PDE4D: variants seen among roughly 807,000 people sequenced by gnomAD.
PDE4D encodes the protein 3',5'-cyclic-AMP phosphodiesterase 4D.
Under a neutral mutation model 87.4 loss-of-function variants are expected in PDE4D, and 24 were observed. The observed-to-expected ratio is 0.27, with a 90% CI of 0.20 to 0.39. The LOEUF (loss-of-function observed/expected upper bound fraction) is 0.39. PDE4D is among the 10% of genes least tolerant of loss of function. The pLI, the probability that PDE4D is intolerant of heterozygous loss-of-function variation, is 1.00. For missense variants in PDE4D, 714 were observed against 1,041.0 expected (o/e 0.69, Z 4.32); for synonymous variants, 384 against 383.2 (o/e 1.00, Z -0.02).
chr5:60,196,533 C>A (rs1741236088), intron 1 of PDE4D, among the ~76,000 whole-genome samples: 1 of 151,600 alleles, frequency 6.6e-6, no homozygotes, highest in African/African-American at 2.4e-5. Context: ...TGGGAGGTGT[C>A]TAGAGCAGTT....
chr5:59,541,904 G>A (rs767142894), intron 1 of PDE4D, among the ~76,000 whole-genome samples: 1 of 152,072 alleles, frequency 6.6e-6, no homozygotes, highest in Non-Finnish European at 1.5e-5. Context: ...GCTGGCTTCT[G>A]CATGATCTAC....
At chr5:59,394,914 C>T (rs966079079) in intron 1 of PDE4D, among the ~76,000 whole-genome samples, 2 of 152,104 alleles carry the variant, frequency 1.3e-5, no homozygotes, top group Admixed American at 6.5e-5. Context: ...CATTGCCTCA[C>T]TCGGGAAGTG....
At chr5:60,186,107 G>A (rs2149511630) in intron 1 of PDE4D, among the ~76,000 whole-genome samples, 1 of 152,280 alleles carries the variant, frequency 6.6e-6, no homozygotes, top group East Asian at 1.9e-4. Flanking sequence ...TTACTTACAT[G>A]TGAAGAAAAG....
At chr5:59,852,824 TA>T (rs571138500) in intron 1 of PDE4D, among the ~76,000 whole-genome samples, 51 of 141,846 alleles carry the variant, frequency 3.6e-4, no homozygotes, top group Middle Eastern at 7.1e-3. Context: ...GAGACAGGAA[TA>T]AAAAAAAAAA....
intron 1 of PDE4D, among the ~76,000 whole-genome samples, chr5:60,347,186 G>A (rs762203668): frequency 5.9e-5 from 9 of 152,048 alleles, no homozygotes; most frequent in Non-Finnish European, 1.3e-4. Flanking sequence ...ACTGAATGAT[G>A]CATAAGAGCC....
intron 1 of PDE4D, among the ~76,000 whole-genome samples, chr5:59,581,869 T>C (rs1444744227): frequency 6.6e-6 from 1 of 152,160 alleles, no homozygotes; most frequent in African/African-American, 2.4e-5. Context: ...AGGATCGATA[T>C]CTCATATAAT....
intron 1 of PDE4D, among the ~76,000 whole-genome samples, chr5:59,857,598 T>G (rs1488524560): frequency 6.6e-6 from 1 of 152,124 alleles, no homozygotes; most frequent in Non-Finnish European, 1.5e-5. Flanking sequence ...GATTTTTTTG[T>G]GTGAACTATC....
intron 1 of PDE4D, among the ~76,000 whole-genome samples, chr5:60,268,628 G>A (rs1750491482): frequency 6.6e-6 from 1 of 152,224 alleles, no homozygotes. Flanking sequence ...CTGTGGGAGA[G>A]CAGGCAGATC....
intron 1 of PDE4D, among the ~76,000 whole-genome samples, chr5:60,260,927 C>A (rs961997991): frequency 1.3e-5 from 2 of 152,042 alleles, no homozygotes; most frequent in African/African-American, 4.8e-5. Flanking sequence ...CATTGCCAAC[C>A]TTACAAGACA....
intron 2 of PDE4D, among the ~76,000 whole-genome samples, chr5:60,091,196 T>C (rs1431545264): frequency 6.6e-6 from 1 of 152,164 alleles, no homozygotes; most frequent in Non-Finnish European, 1.5e-5. Flanking sequence ...ATGTAAATGA[T>C]CAACAGAGTG....
intron 1 of PDE4D, among the ~76,000 whole-genome samples, chr5:60,267,314 T>C (rs960324455): frequency 6.6e-6 from 1 of 152,202 alleles, no homozygotes; most frequent in African/African-American, 2.4e-5. Context: ...GTTGTGTGTG[T>C]GTTTATATCT....
intron 1 of PDE4D, among the ~76,000 whole-genome samples, chr5:59,660,176 C>T (rs773251742): frequency 2.0e-5 from 3 of 151,896 alleles, no homozygotes; most frequent in Non-Finnish European, 2.9e-5. Flanking sequence ...GCAACAGAGT[C>T]TCACTCTGTC....
At chr5:60,393,891 G>T (rs566792164) in intron 1 of PDE4D, among the ~76,000 whole-genome samples, 1 of 152,092 alleles carries the variant, frequency 6.6e-6, no homozygotes, top group Non-Finnish European at 1.5e-5. Context: ...CTCTCTTAGG[G>T]TACTAATCTA....
chr5:59,230,717 A>G (rs996958206), intron 1 of PDE4D, among the ~76,000 whole-genome samples: 4 of 152,218 alleles, frequency 2.6e-5, no homozygotes, highest in African/African-American at 9.6e-5. Flanking sequence ...ACTCTGCATC[A>G]AACAGGTCAG....
At chr5:59,656,978 C>A (rs1172080908) in intron 1 of PDE4D, among the ~76,000 whole-genome samples, 1 of 152,080 alleles carries the variant, frequency 6.6e-6, no homozygotes, top group Non-Finnish European at 1.5e-5. Context: ...ACAATACCTG[C>A]CTTTTACAGT....
intron 1 of PDE4D, among the ~76,000 whole-genome samples, chr5:60,408,862 G>T (rs1480157007): frequency 6.6e-6 from 1 of 152,140 alleles, no homozygotes; most frequent in Non-Finnish European, 1.5e-5. Flanking sequence ...CTTATGCAAG[G>T]TACTTTTGCT....
intron 1 of PDE4D, among the ~76,000 whole-genome samples, chr5:59,338,922 C>T (rs941947859): frequency 2.2e-4 from 34 of 152,280 alleles, no homozygotes; most frequent in African/African-American, 7.0e-4. Flanking sequence ...AATTGTAAGA[C>T]ATATGTTATG....
intron 1 of PDE4D, among the ~76,000 whole-genome samples, chr5:60,285,576 T>C (rs1039035890): frequency 6.6e-6 from 1 of 151,158 alleles, no homozygotes; most frequent in African/African-American, 2.4e-5. Flanking sequence ...TGTTTGGGAG[T>C]TGAAGAATTA....
At chr5:60,052,323 CA>C (rs1327580495) in intron 2 of PDE4D, among the ~76,000 whole-genome samples, 4 of 152,166 alleles carry the variant, frequency 2.6e-5, no homozygotes, top group Non-Finnish European at 4.4e-5. Context: ...AGCAGCACAT[CA>C]AAAAGCTTAC....
Sources: allele counts gnomAD v4.1 joint callset (sites outside exome capture counted in the v4.1 genomes callset), GRCh38; gene constraint gnomAD v4.1.1; transcripts MANE v1.5; gene names NCBI Gene and HGNC (gene_info 2026-07-23, HGNC 2026-07-21).